Variants in ERBB4 observed in about 807,000 individuals in gnomAD.
ERBB4 encodes receptor tyrosine-protein kinase erbB-4.
In ERBB4, 42 loss-of-function variants were observed where a neutral mutation model predicts 158.0. The observed-to-expected ratio is 0.27, with a 90% CI of 0.21 to 0.34. ERBB4 has a LOEUF of 0.34. ERBB4 is among the 10% of genes least tolerant of loss of function. The pLI is 1.00. For missense variants in ERBB4, 1,333 were observed against 1,624.1 expected, an observed-to-expected ratio of 0.82 and a Z score of 3.08; for synonymous variants, 583 against 558.7, an observed-to-expected ratio of 1.04 and a Z score of -0.61.
At chr2:212,496,514 C>T (rs577432741) in intron 1 of ERBB4, among the ~76,000 whole-genome samples, 2 of 152,078 alleles carry the variant, frequency 1.3e-5, no homozygotes, top group Non-Finnish European at 2.9e-5. Flanking sequence ...ATCTGGCAAC[C>T]CAAAATTCTG....
At chr2:211,605,296 A>G (rs978244348) in intron 19 of ERBB4, among the ~76,000 whole-genome samples, 2 of 152,136 alleles carry the variant, frequency 1.3e-5, no homozygotes, top group African/African-American at 4.8e-5. Flanking sequence ...TCTGAATGCT[A>G]TTTTTACTCA....
intron 11 of ERBB4, 104 bp downstream of exon 11, chr2:211,704,000 C>T (rs2073346851): frequency 5.1e-6 from 4 of 786,602 alleles, no homozygotes; most frequent in South Asian, 4.1e-5. Flanking sequence ...AGCATGATTT[C>T]CCCAGAATCA....
In ERBB4 at chr2:212,462,928, A is replaced by G. The variant is rs1050314074; in HGVS notation, c.82+75521T>C. Among the ~76,000 whole-genome samples, 2 of 152,176 alleles carry G rather than the reference A, an allele frequency of 1.3e-5. 1 individual carries two copies. The highest frequency in any genetic ancestry group is 4.1e-4 in the South Asian group (2 of 4,830). ...AATAGAATACTCTTCAGCCATAAAA[A>G]AGAATGAAATCTGTCATTTATGGCA... On this transcript the variant is annotated intron_variant, in intron 1 of 27. Transcript: ENST00000342788.
At chr2:211,453,505 G>A (rs2064301353) in intron 20 of ERBB4, among the ~76,000 whole-genome samples, 1 of 152,104 alleles carries the variant, frequency 6.6e-6, no homozygotes, top group African/African-American at 2.4e-5. Flanking sequence ...AAAAGAGGAA[G>A]AGAGAAAGGA....
At chr2:211,861,339 G>GTTTTTT (rs1553648578) in intron 3 of ERBB4, among the ~76,000 whole-genome samples, 2 of 89,836 alleles carry the variant, frequency 2.2e-5, no homozygotes, top group African/African-American at 4.4e-5. Flanking sequence ...TTTTTTTTTT[G>GTTTTTT]TTTTTTTTTT....
intron 3 of ERBB4, among the ~76,000 whole-genome samples, chr2:211,907,415 C>CA (rs1164577165): frequency 7.0e-6 from 1 of 142,598 alleles, no homozygotes; most frequent in Non-Finnish European, 1.5e-5. Context: ...TGGCTTTTGC[C>CA]TTTTTTTTTT....
intron 1 of ERBB4, among the ~76,000 whole-genome samples, chr2:212,347,998 G>C (rs2089087114): frequency 6.6e-6 from 1 of 152,056 alleles, no homozygotes; most frequent in Admixed American, 6.6e-5. Flanking sequence ...ATGTTGGATG[G>C]ATGGAGGGGT....
At chr2:212,462,902 C>A (rs190332439) in intron 1 of ERBB4, among the ~76,000 whole-genome samples, 2 of 151,930 alleles carry the variant, frequency 1.3e-5, no homozygotes, top group Non-Finnish European at 2.9e-5. Flanking sequence ...TATTTATACA[C>A]AATAGAATAC....
intron 1 of ERBB4, among the ~76,000 whole-genome samples, chr2:212,511,532 T>G (rs770559293): frequency 2.6e-5 from 4 of 152,192 alleles, no homozygotes; most frequent in Non-Finnish European, 5.9e-5. Flanking sequence ...CCTTATAATC[T>G]TAGGTAACCT....
intron 1 of ERBB4, among the ~76,000 whole-genome samples, chr2:212,183,701 G>C (rs535866557): frequency 6.6e-6 from 1 of 151,880 alleles, no homozygotes; most frequent in African/African-American, 2.4e-5. Flanking sequence ...AAGATGTATA[G>C]TCCATTGTAC....
intron 1 of ERBB4, among the ~76,000 whole-genome samples, chr2:212,217,789 G>A (rs2083149444): frequency 6.6e-6 from 1 of 151,222 alleles, no homozygotes; most frequent in African/African-American, 2.4e-5. Flanking sequence ...ATTTAATTAA[G>A]CTTCCGTATA....
intron 3 of ERBB4, among the ~76,000 whole-genome samples, chr2:211,875,024 G>GAA (rs2078455547): frequency 7.1e-4 from 4 of 5,606 alleles, no homozygotes; most frequent in African/African-American, 4.5e-3. Flanking sequence ...AAATAGAAAT[G>GAA]CAAAAAAAAA....
chr2:212,516,725 T>C (rs571146468), intron 1 of ERBB4, among the ~76,000 whole-genome samples: 45 of 152,258 alleles, frequency 3.0e-4, no homozygotes, highest in African/African-American at 1.0e-3. Flanking sequence ...GATGTTGTTT[T>C]GTGAATAGTG....
chr2:211,826,779 A>C (rs1347545048), intron 3 of ERBB4, among the ~76,000 whole-genome samples: 2 of 152,058 alleles, frequency 1.3e-5, no homozygotes, highest in Non-Finnish European at 2.9e-5. Context: ...CTAACACCAC[A>C]TACAAGACAC....
intron 1 of ERBB4, among the ~76,000 whole-genome samples, chr2:212,190,220 A>G (rs1463393462): frequency 6.6e-6 from 1 of 152,194 alleles, no homozygotes; most frequent in Non-Finnish European, 1.5e-5. Flanking sequence ...GGTGCAATCA[A>G]CTTAGATAAT....
intron 6 of ERBB4, among the ~76,000 whole-genome samples, chr2:211,722,778 T>C (rs1284685494): frequency 6.6e-6 from 1 of 152,226 alleles, no homozygotes; most frequent in East Asian, 1.9e-4. Context: ...ATTTCTAAAC[T>C]GAGAATTGGT....
intron 2 of ERBB4, among the ~76,000 whole-genome samples, chr2:211,952,195 C>T (rs1190545561): frequency 6.6e-6 from 1 of 152,180 alleles, no homozygotes; most frequent in African/African-American, 2.4e-5. Context: ...GTCACATTCT[C>T]TCAGGTATTC....
intron 1 of ERBB4, among the ~76,000 whole-genome samples, chr2:212,221,604 G>A (rs1027836918): frequency 6.6e-5 from 10 of 151,590 alleles, no homozygotes; most frequent in Non-Finnish European, 1.2e-4. Context: ...TCCTCCCCCT[G>A]TTGCCATGAA....
chr2:211,890,290 A>T (rs1246613921), intron 3 of ERBB4, among the ~76,000 whole-genome samples: 1 of 122,752 alleles, frequency 8.1e-6, no homozygotes, highest in African/African-American at 3.3e-5. Context: ...CCAGAATTTC[A>T]TATCCAGCCA....
Sources: allele counts gnomAD v4.1 joint callset (sites outside exome capture counted in the v4.1 genomes callset), GRCh38; gene constraint gnomAD v4.1.1; transcripts MANE v1.5; gene names NCBI Gene and HGNC (gene_info 2026-07-23, HGNC 2026-07-21).